The following MACROH2A2 variants were observed in gnomAD, a reference collection of about 807,000 sequenced individuals.
The protein encoded by MACROH2A2 is macroH2A.2 histone.
In MACROH2A2, 6 loss-of-function variants were observed where a neutral mutation model predicts 37.6. The observed-to-expected ratio is 0.16, with a 90% confidence interval of 0.09 to 0.32. The LOEUF is 0.32. Among genes scored for constraint, MACROH2A2 ranks in the 10% least tolerant of loss-of-function variants. The probability of loss-of-function intolerance (pLI) is 1.00; values close to 1 mark genes in which losing one functional copy is unlikely to be tolerated. For missense variants in MACROH2A2, 290 were observed against 485.9 expected (o/e 0.60, Z 3.79); for synonymous variants, 192 against 202.7 (o/e 0.95, Z 0.45).
chr10:70,058,636 T>TATA (rs2072030998), intron 1 of MACROH2A2, among the ~76,000 whole-genome samples: 1 of 150,046 alleles, frequency 6.7e-6, no homozygotes, highest in African/African-American at 2.4e-5. Context: ...ACTGCCAATT[T>TATA]TATATATATA....
intron 8 of MACROH2A2, 21 bp from the exon 9 acceptor site, chr10:70,111,497 T>A: frequency 6.2e-7 from 1 of 1,608,380 alleles, no homozygotes; most frequent in Non-Finnish European, 8.5e-7. Context: ...TGACATCGGC[T>A]CTTCTTTTGC....
At chr10:70,082,343 G>A (rs368672588) in intron 2 of MACROH2A2, among the ~76,000 whole-genome samples, 1 of 152,116 alleles carries the variant, frequency 6.6e-6, no homozygotes, top group Non-Finnish European at 1.5e-5. Context: ...GCTTGAACCC[G>A]GGAGGCGGAG....
chr10:70,066,924 T>C (rs1388714875), intron 1 of MACROH2A2, among the ~76,000 whole-genome samples: 1 of 152,190 alleles, frequency 6.6e-6, no homozygotes, highest in Non-Finnish European at 1.5e-5. Context: ...GTTTTTCATA[T>C]GTTTGTGCTT....
chr10:70,110,547 T>C (rs2072365101), intron 8 of MACROH2A2, among the ~76,000 whole-genome samples: 1 of 152,152 alleles, frequency 6.6e-6, no homozygotes, highest in South Asian at 2.1e-4. Flanking sequence ...GCTGAATGGC[T>C]AGCATTTTTA....
chr10:70,059,602 C>A (rs2072039274), intron 1 of MACROH2A2, among the ~76,000 whole-genome samples: 1 of 152,092 alleles, frequency 6.6e-6, no homozygotes, highest in African/African-American at 2.4e-5. Context: ...AACTCCTGAC[C>A]TCAAGTGATC....
chr10:70,074,589 T>A (rs1038963655), intron 1 of MACROH2A2, among the ~76,000 whole-genome samples: 4 of 152,128 alleles, frequency 2.6e-5, no homozygotes, highest in Non-Finnish European at 5.9e-5. Context: ...AATTCCCACA[T>A]GTTGTGGGAG....
intron 1 of MACROH2A2, among the ~76,000 whole-genome samples, chr10:70,065,357 G>C: frequency 6.6e-6 from 1 of 152,066 alleles, no homozygotes; most frequent in East Asian, 1.9e-4. Context: ...GATTATAAGC[G>C]TAAGCCACCG....
intron 2 of MACROH2A2, among the ~76,000 whole-genome samples, chr10:70,087,103 A>G (rs1589836556): frequency 6.6e-6 from 1 of 151,996 alleles, no homozygotes; most frequent in Non-Finnish European, 1.5e-5. Flanking sequence ...ATGGGGGAGG[A>G]TCACTTGAGT....
At position 70,111,578 on chromosome 10, in the gene MACROH2A2, T is replaced by C; in HGVS notation, c.1014T>C (p.Phe338=). ...QVTLKAISAH[F]DDSSASSLKN... Reference sequence around the variant, plus strand: ...CCCTCAAAGCCATCTCAGCCCACTTTGATGACTCGAGCGCGTCCTCGCTGA... The same window carrying C: ...CCCTCAAAGCCATCTCAGCCCACTTCGATGACTCGAGCGCGTCCTCGCTGA... The change falls in exon 9 of 9, where the codon TTT becomes TTC. Residue 338 remains phenylalanine (F), a synonymous_variant. Transcript: ENST00000373255. The C allele has an allele frequency of 6.2e-7, 1 of 1,613,870 alleles. No individual in the cohort carries two copies. The highest frequency in any genetic ancestry group is 8.5e-7 in the Non-Finnish European group (1 of 1,179,916).
intron 2 of MACROH2A2, among the ~76,000 whole-genome samples, chr10:70,087,022 C>T (rs2072216134): frequency 6.6e-6 from 1 of 152,078 alleles, no homozygotes; most frequent in African/African-American, 2.4e-5. Flanking sequence ...AAAACCCTGT[C>T]TCTACAAAAA....
intron 5 of MACROH2A2, among the ~76,000 whole-genome samples, chr10:70,095,156 C>T (rs1302546034): frequency 6.6e-6 from 1 of 152,038 alleles, no homozygotes; most frequent in Non-Finnish European, 1.5e-5. Context: ...ATCAAGAGGT[C>T]GGGAGATCAA....
At chr10:70,065,018 C>G (rs944708315) in intron 1 of MACROH2A2, among the ~76,000 whole-genome samples, 2 of 151,358 alleles carry the variant, frequency 1.3e-5, no homozygotes, top group African/African-American at 4.9e-5. Context: ...TCTTGTCCTT[C>G]ATTCTTTTTT....
intron 4 of MACROH2A2, 51 bp from the exon 5 acceptor site, chr10:70,093,684 C>G (rs764489328): frequency 1.0e-6 from 1 of 992,806 alleles, no homozygotes; most frequent in South Asian, 1.3e-5. Flanking sequence ...AAAGGCACCT[C>G]AGGCTTTTTC....
At chr10:70,105,250 C>T (rs902763490) in intron 7 of MACROH2A2, among the ~76,000 whole-genome samples, 4 of 152,228 alleles carry the variant, frequency 2.6e-5, no homozygotes, top group African/African-American at 7.2e-5. Flanking sequence ...TAAGCATCTA[C>T]GGTGTGTGCT....
Position 70,093,666 on chromosome 10 carries a change from A to C in MACROH2A2, c.478-69A>C. ...TCAACTTGGTGGCAGCCGTGAGAAG[A>C]GCTTAATAAAGGCACCTCAGGCTTT... On this transcript the variant is annotated intron_variant, in intron 4 of 8. Coordinates refer to ENST00000373255, the MANE Select transcript of MACROH2A2 (RefSeq NM_018649.3). 7.7e-6 allele frequency: 6 copies of C among 784,076 alleles called. No individual in the cohort carries two copies. The South Asian group carries it at 9.1e-5, about 12-fold the overall frequency. 48.6% of individuals were successfully genotyped at this position (784,076 alleles called of 1,614,324 possible). A position where few individuals can be genotyped will look rare whatever the true frequency, so the allele number is the denominator to read the frequency against.
intron 7 of MACROH2A2, among the ~76,000 whole-genome samples, chr10:70,101,407 C>G (rs533621573): frequency 1.3e-5 from 2 of 152,144 alleles, no homozygotes; most frequent in Non-Finnish European, 2.9e-5. Flanking sequence ...TTCAGAGCCA[C>G]GAGCCCTGGA....
At chr10:70,077,436 C>T (rs114889143) in intron 2 of MACROH2A2, among the ~76,000 whole-genome samples, 1,665 of 151,736 alleles carry the variant, frequency 0.011, 20 homozygotes, top group African/African-American at 0.038. Context: ...GGCGTGATGG[C>T]AGCTACTGGG....
rs774268589 is a variant in MACROH2A2 at position 70,109,184 on chromosome 10, G to C, written c.930G>C (p.Ala310=). Residue 310 remains alanine, a synonymous_variant, in exon 8 of 9, where the codon GCG becomes GCC. Coordinates refer to ENST00000373255, the MANE Select transcript of MACROH2A2 (RefSeq NM_018649.3). ...AAEDKKLKSV[A]FPPFPSGRNC... is the part of the protein sequence containing the mutation. ...AGGACAAGAAGCTAAAGTCCGTCGC[G>C]TTCCCGCCTTTCCCCAGCGGCAGGT... 1 of 1,614,038 alleles carries C rather than the reference G, an allele frequency of 6.2e-7. No homozygotes were observed. The highest frequency in any genetic ancestry group is 1.7e-5 in the Admixed American group (1 of 60,010).
chr10:70,069,504 A>G (rs1020324983), intron 1 of MACROH2A2, among the ~76,000 whole-genome samples: 1 of 152,166 alleles, frequency 6.6e-6, no homozygotes, highest in Non-Finnish European at 1.5e-5. Context: ...GCCCACGTGC[A>G]TCTGGGAAAA....
Sources: allele counts gnomAD v4.1 joint callset (sites outside exome capture counted in the v4.1 genomes callset), GRCh38; gene constraint gnomAD v4.1.1; transcripts MANE v1.5; gene names NCBI Gene and HGNC (gene_info 2026-07-23, HGNC 2026-07-21).